The following DHX8 variants were observed in gnomAD, a reference collection of about 807,000 sequenced individuals.
The protein encoded by DHX8 is DEAH-box helicase 8.
A neutral mutation model predicts 140.7 loss-of-function variants in DHX8; 67 were observed. The ratio of observed to expected loss-of-function variants is 0.48; its 90% CI spans 0.39 to 0.58. The LOEUF (loss-of-function observed/expected upper bound fraction) is 0.58. Ranked by LOEUF, DHX8 falls within the 20% of genes least tolerant of loss-of-function variation. DHX8 has a pLI of 0.00. For missense variants in DHX8, 887 were observed against 1,550.7 expected (o/e 0.57, Z 7.19); for synonymous variants, 533 against 553.2 (o/e 0.96, Z 0.51).
intron 2 of DHX8, chr17:43,533,323 C>A: frequency 6.2e-7 from 1 of 1,613,336 alleles, no homozygotes; most frequent in Non-Finnish European, 8.5e-7. Context: ...GACTTGATGG[C>A]GATTTGTCTG....
intron 12 of DHX8, among the ~76,000 whole-genome samples, chr17:43,505,058 T>C (rs1286255353): frequency 6.6e-6 from 1 of 152,060 alleles, no homozygotes. Context: ...GGAGGATCAC[T>C]TGAGCCTAGG....
At chr17:43,493,925 G>A in intron 8 of DHX8, 39 bp downstream of exon 8, 1 of 1,602,138 alleles carries the variant, frequency 6.2e-7, no homozygotes, top group Middle Eastern at 1.7e-4. Context: ...TAGTCATTCA[G>A]CATGTAGCAT....
intron 4 of DHX8, among the ~76,000 whole-genome samples, chr17:43,491,581 AT>A (rs1412785200): frequency 2.0e-5 from 3 of 151,036 alleles, no homozygotes; most frequent in Non-Finnish European, 3.0e-5. Flanking sequence ...AAGCATTTTG[AT>A]TTTTAAATTT....
chr17:43,504,747 C>G lies in DHX8; in HGVS notation c.1650C>G (p.Tyr550Ter). Residue 550 changes from tyrosine to a stop codon, truncating the protein, a stop_gained, in exon 12 of 23, where the codon TAC becomes TAG. Coordinates refer to ENST00000262415, the MANE Select transcript of DHX8 (RefSeq NM_004941.3). LOFTEE classifies it high-confidence loss of function. ...CCTTTGGGGGCAACAAAGCCTCTTA[C>G]GGAAAAAAGACCCAGATGTCAATCC... ...KHAFGGNKAS[Y>*]GKKTQMSILE... The G allele has an allele frequency of 6.2e-7, 1 of 1,613,988 alleles. No individual in the cohort carries two copies. The highest frequency in any genetic ancestry group is 8.5e-7 in the Non-Finnish European group (1 of 1,179,994).
At chr17:43,511,456 A>ATTGTTTTTTTTTTTTTT (rs1969821932) in intron 16 of DHX8, among the ~76,000 whole-genome samples, 1 of 56,790 alleles carries the variant, frequency 1.8e-5, no homozygotes, top group Non-Finnish European at 2.9e-5. Context: ...TGATCCCAGC[A>ATTGTTTTTTTTTTTTTT]TTTTTTTTTT....
chr17:43,504,761 A>G lies in DHX8; in HGVS notation c.1664A>G (p.Gln555Arg). ...AAAGCCTCTTACGGAAAAAAGACCCAGATGTCAATCCTTGAGCAGAGGGAG... is the reference window on the plus strand; with the variant it reads ...AAAGCCTCTTACGGAAAAAAGACCCGGATGTCAATCCTTGAGCAGAGGGAG... ...GNKASYGKKTQMSILEQRESL... is the reference protein window; with the variant it reads ...GNKASYGKKTRMSILEQRESL... Residue 555 changes from glutamine (Q) to arginine (R), a missense_variant, in exon 12 of 23, where the codon CAG becomes CGG. Physicochemically the swap from Gln to Arg is conservative, Grantham distance 43. Around this residue, in one of 9 missense-constraint regions of DHX8, gnomAD observed 178 missense variants for 398.5 expected, o/e 0.45. Coordinates refer to ENST00000262415, the MANE Select transcript of DHX8 (RefSeq NM_004941.3). The G allele has an allele frequency of 2.5e-6, 4 of 1,614,204 alleles. No individual in the cohort carries two copies. The highest frequency in any genetic ancestry group is 3.4e-6 in the Non-Finnish European group (4 of 1,180,046).
chr17:43,517,497 A>G (rs1456065082), intron 18 of DHX8, 175 bp downstream of exon 18: 3 of 680,338 alleles, frequency 4.4e-6, no homozygotes, highest in South Asian at 2.1e-5. Context: ...GTCTGGGGCT[A>G]AGTTGGCATG....
rs10672223 is a variant in DHX8 at position 43,520,964 on chromosome 17, C to CTTTTTT, written c.3066+104_3066+109dup. 2.5e-4 allele frequency: 101 copies of CTTTTTT among 399,598 alleles called. 2 individuals are homozygous for CTTTTTT. The highest frequency in any genetic ancestry group is 2.1e-3 in the African/African-American group (47 of 22,904). 24.8% of individuals were successfully genotyped at this position (399,598 alleles called of 1,614,324 possible). A position where few individuals can be genotyped will look rare whatever the true frequency, so the allele number is the denominator to read the frequency against. On this transcript the variant is annotated intron_variant, in intron 20 of 22. Coordinates refer to ENST00000262415, the MANE Select transcript of DHX8 (RefSeq NM_004941.3). ...TTGCCATTCCAATGCTTGATGTGGA[C>CTTTTTT]TTTTTTTTTTTTTTTTTTTTTTTTG...
At chr17:43,530,215 C>T, downstream of DHX8, 2 of 1,552,226 alleles carry the variant, frequency 1.3e-6, no homozygotes, top group South Asian at 2.4e-5. Context: ...TGAGAAGTGG[C>T]TTGGGGTGGA....
chr17:43,533,829 A>G, intron 2 of DHX8: 1 of 1,603,650 alleles, frequency 6.2e-7, no homozygotes, highest in South Asian at 1.1e-5. Context: ...CCCTTCTCCT[A>G]CCCTTCACCA....
downstream of DHX8, chr17:43,528,458 G>T: frequency 1.7e-6 from 2 of 1,171,014 alleles, no homozygotes; most frequent in Admixed American, 2.5e-5. Context: ...CCCAACACCA[G>T]ATTCATTTAT....
chr17:43,521,320 G>C (rs1483818591), intron 20 of DHX8, 49 bp from the exon 21 acceptor site: 4 of 1,496,472 alleles, frequency 2.7e-6, no homozygotes, highest in Non-Finnish European at 3.6e-6. Context: ...TCCATGTTCA[G>C]TTAGTAGCTG....
Position 43,517,160 on chromosome 17 carries a change from C to G in DHX8, c.2644-7C>G. 6.2e-7 allele frequency: 1 copy of G among 1,611,330 alleles called. No homozygotes were observed. The highest frequency in any genetic ancestry group is 8.5e-7 in the Non-Finnish European group (1 of 1,178,784). ...GATATGTTGCTTTTATATGCCCACCCCTCTAGGCTCAGGCAAAGCAACGAG... is the reference window on the plus strand; with the variant it reads ...GATATGTTGCTTTTATATGCCCACCGCTCTAGGCTCAGGCAAAGCAACGAG... On this transcript the variant is annotated splice_region_variant and splice_polypyrimidine_tract_variant and intron_variant, in intron 17 of 22. Coordinates refer to ENST00000262415, the MANE Select transcript of DHX8 (RefSeq NM_004941.3).
intron 18 of DHX8, chr17:43,518,270 GAGAA>G (rs1437134669): frequency 6.6e-6 from 1 of 152,176 alleles, no homozygotes; most frequent in Non-Finnish European, 1.5e-5. Flanking sequence ...ATCACTTTAT[GAGAA>G]AGAAATAGAA....
intron 2 of DHX8, chr17:43,533,222 C>G: frequency 6.2e-7 from 1 of 1,613,986 alleles, no homozygotes. Flanking sequence ...CAGGGTGGGG[C>G]TGGGAGGTGC....
chr17:43,521,614 G>A (rs760664749), intron 21 of DHX8, 49 bp downstream of exon 21: 3 of 1,550,580 alleles, frequency 1.9e-6, no homozygotes, highest in Admixed American at 1.7e-5. Context: ...ACCACCTTGA[G>A]TATCATGTCT....
At chr17:43,499,908 T>G in intron 10 of DHX8, 48 bp from the exon 11 acceptor site, 1 of 1,603,900 alleles carries the variant, frequency 6.2e-7, no homozygotes, top group South Asian at 1.1e-5. Context: ...TTCTACATAT[T>G]ATTTCCCGGA....
Position 43,502,395 on chromosome 17 carries a change from T to C in DHX8, c.1547-2249T>C, listed in dbSNP as rs145892289. Among the ~76,000 whole-genome samples, 521 of 152,148 alleles carry C rather than the reference T, an allele frequency of 3.4e-3. 4 individuals carry two copies. Among genetic ancestry groups the C allele is most frequent in the African/African-American group, 0.012 (494 of 41,486 alleles). On this transcript the variant is annotated intron_variant, in intron 11 of 22. Transcript: ENST00000262415. ...TAGTAAGACCTTATCTGTATTTTATTTTATTTTGTTTTGTTTTGTTATTTT... is the reference window on the plus strand; with the variant it reads ...TAGTAAGACCTTATCTGTATTTTATCTTATTTTGTTTTGTTTTGTTATTTT...
At chr17:43,496,307 T>G in intron 9 of DHX8, 39 bp downstream of exon 9, 1 of 1,472,104 alleles carries the variant, frequency 6.8e-7, no homozygotes, top group African/African-American at 1.4e-5. Context: ...AATTGGCAAG[T>G]TGAGCCATTG....
Sources: allele counts gnomAD v4.1 joint callset (sites outside exome capture counted in the v4.1 genomes callset), GRCh38; gene constraint gnomAD v4.1.1; regional missense constraint gnomAD v4.1.1; transcripts MANE v1.5; gene names NCBI Gene and HGNC (gene_info 2026-07-23, HGNC 2026-07-21).